The following LIG3 variants were observed in gnomAD, a reference collection of about 807,000 sequenced individuals.
The protein encoded by LIG3 is DNA ligase 3.
LIG3 carries 58 observed loss-of-function variants against 110.9 expected under a neutral mutation model. The ratio of observed to expected loss-of-function variants is 0.52; its 90% CI spans 0.42 to 0.65. The LOEUF (loss-of-function observed/expected upper bound fraction) is 0.65, where lower values mean the gene tolerates loss of function less well. Ranked by LOEUF, LIG3 falls within the 30% of genes least tolerant of loss-of-function variation. The pLI is 0.00. For synonymous variants in LIG3, 422 were observed against 472.8 expected (o/e 0.89, Z 1.39); for missense variants, 1,094 against 1,273.8 (o/e 0.86, Z 2.15).
chr17:34,999,362 G>T lies in LIG3; in HGVS notation c.2169G>T (p.Trp723Cys), dbSNP rs770056549. 8.7e-6 allele frequency: 14 copies of T among 1,613,988 alleles called. No homozygotes were observed. Among genetic ancestry groups the T allele is most frequent in the Non-Finnish European group, 5.9e-6 (7 of 1,180,000 alleles). ...GCTACGACCCTGGCAGCCAGAAGTG[G>T]TGCACAGTCACCAAGTGTGCAGGAG... Reference protein sequence around the residue: ...MGCYDPGSQKWCTVTKCAGGH... With the variant: ...MGCYDPGSQKCCTVTKCAGGH... Residue 723 changes from tryptophan to cysteine, a missense_variant, in exon 15 of 20, where the codon TGG becomes TGT. Coordinates refer to ENST00000378526, the MANE Select transcript of LIG3 (RefSeq NM_013975.4).
In LIG3 at chr17:35,001,333, G is replaced by C; in HGVS notation, c.2408G>C (p.Arg803Pro). ...CATACAGCTGACGGGATCTCCATCCGATTCCCTCGCTGCACCCGAATCCGA... is the reference window on the plus strand; with the variant it reads ...CATACAGCTGACGGGATCTCCATCCCATTCCCTCGCTGCACCCGAATCCGA... ...EAHTADGISIRFPRCTRIRDD... is the reference protein window; with the variant it reads ...EAHTADGISIPFPRCTRIRDD... The change falls in exon 17 of 20, where the codon CGA (arginine) becomes CCA (proline). Residue 803 changes from arginine (R) to proline (P), a missense_variant. Transcript: ENST00000378526. 6.2e-7 allele frequency: 1 copy of C among 1,614,142 alleles called. No individual in the cohort carries two copies. Among genetic ancestry groups the C allele is most frequent in the African/African-American group, 1.3e-5 (1 of 75,048 alleles).
At position 34,994,356 on chromosome 17, in the gene LIG3, G is replaced by A. The variant is rs1340493662; in HGVS notation, c.1536G>A (p.Glu512=). The A allele has an allele frequency of 3.1e-6, 5 of 1,614,044 alleles. No individual in the cohort carries two copies. Among genetic ancestry groups the A allele is most frequent in the African/African-American group, 1.3e-5 (1 of 74,928 alleles). ...GMFSEIKYDG[E]RVQVHKNGDH... ...TCTCTGAGATCAAGTACGATGGAGA[G>A]CGAGTCCAGGTGCATAAGAATGGAG... The change falls in exon 9 of 20, where the codon GAG becomes GAA. Residue 512 remains glutamate (E), a synonymous_variant. Transcript: ENST00000378526.
chr17:34,999,954 C>A, intron 16 of LIG3, 98 bp downstream of exon 16: 1 of 947,870 alleles, frequency 1.1e-6, no homozygotes, highest in Non-Finnish European at 1.7e-6. Flanking sequence ...GAAAGTCCAC[C>A]CAGGGATAGG....
At chr17:34,994,225 C>A (rs974734677) in intron 8 of LIG3, 51 bp from the exon 9 acceptor site, 5 of 1,579,086 alleles carry the variant, frequency 3.2e-6, no homozygotes, top group Non-Finnish European at 4.3e-6. Flanking sequence ...GCTGTCGCTG[C>A]TTAGCAGCCC....
chr17:34,984,220 A>C (rs2090633396), intron 2 of LIG3, among the ~76,000 whole-genome samples: 1 of 152,184 alleles, frequency 6.6e-6, no homozygotes. Flanking sequence ...GGATCATATC[A>C]GGTGTTGCAT....
At chr17:35,002,626 T>C (rs1794811233) in intron 18 of LIG3, 42 bp from the exon 19 acceptor site, 4 of 1,595,242 alleles carry the variant, frequency 2.5e-6, no homozygotes, top group South Asian at 1.1e-5. Context: ...GCTGGGACTA[T>C]AGGTGTGCAC....
intron 9 of LIG3, among the ~76,000 whole-genome samples, chr17:34,995,735 A>G (rs940510522): frequency 6.6e-6 from 1 of 152,068 alleles, no homozygotes; most frequent in Non-Finnish European, 1.5e-5. Flanking sequence ...GTAGGCACTA[A>G]TCTCTGCCCA....
intron 16 of LIG3, among the ~76,000 whole-genome samples, 158 bp downstream of exon 16, chr17:35,000,014 TG>T (rs1172816648): frequency 6.6e-6 from 1 of 152,180 alleles, no homozygotes; most frequent in African/African-American, 2.4e-5. Context: ...CAGACAACTC[TG>T]AGGAATTTTG....
chr17:34,983,916 T>C (rs2090630479), intron 2 of LIG3, among the ~76,000 whole-genome samples: 3 of 152,248 alleles, frequency 2.0e-5, no homozygotes. Flanking sequence ...TTTACTCTAT[T>C]TGCTTTATCA....
chr17:34,997,617 T>C (rs2090792335), intron 11 of LIG3, 121 bp from the exon 12 acceptor site: 3 of 732,288 alleles, frequency 4.1e-6, no homozygotes, highest in Admixed American at 2.0e-5. Context: ...CATGAGGTCT[T>C]TGATCCATGG....
At chr17:34,992,832 G>A (rs922224566) in intron 8 of LIG3, 140 bp downstream of exon 8, 4 of 834,622 alleles carry the variant, frequency 4.8e-6, no homozygotes, top group African/African-American at 1.8e-5. Context: ...GAGGTGCAAG[G>A]GGGTATTTCT....
chr17:35,003,125 G>A, intron 19 of LIG3: 1 of 1,597,354 alleles, frequency 6.3e-7, no homozygotes, highest in Admixed American at 1.8e-5. Context: ...ACATTAAAGG[G>A]AAAAGACCAG....
At chr17:34,999,279 C>A in intron 14 of LIG3, 28 bp from the exon 15 acceptor site, 1 of 1,600,054 alleles carries the variant, frequency 6.2e-7, no homozygotes, top group Non-Finnish European at 8.5e-7. Flanking sequence ...CTCCTCCAAC[C>A]CACACTCATC....
intron 19 of LIG3, chr17:35,003,297 T>G: frequency 1.4e-6 from 1 of 722,770 alleles, no homozygotes; most frequent in Non-Finnish European, 2.1e-6. Context: ...CAACATCTCC[T>G]GAGCAATTCT....
At position 35,007,113 on chromosome 17, in the gene LIG3, G is replaced by A. The variant is rs2090900931; in HGVS notation, c.*2607G>A. ...ACAACCGGACAGGGCAGCAGAACAAGGCTGTCTCCTCAGGATCCTGCCAAA... is the reference window on the plus strand; with the variant it reads ...ACAACCGGACAGGGCAGCAGAACAAAGCTGTCTCCTCAGGATCCTGCCAAA... On this transcript the variant is annotated 3_prime_UTR_variant, in exon 20 of 20. Coordinates refer to ENST00000378526, the MANE Select transcript of LIG3 (RefSeq NM_013975.4). 1 of 152,390 alleles carries A rather than the reference G, an allele frequency of 6.6e-6. No homozygotes were observed. Among genetic ancestry groups the A allele is most frequent in the Admixed American group, 6.5e-5 (1 of 15,302 alleles). 9.4% of individuals were successfully genotyped at this position (152,390 alleles called of 1,614,324 possible).
chr17:34,998,436 C>A, intron 13 of LIG3, 140 bp downstream of exon 13: 1 of 1,095,642 alleles, frequency 9.1e-7, no homozygotes, highest in Non-Finnish European at 1.3e-6. Flanking sequence ...CAGATGTGTC[C>A]TGGATCTGGA....
chr17:34,998,901 G>C (rs942839537), intron 14 of LIG3, 174 bp downstream of exon 14: 12 of 684,660 alleles, frequency 1.8e-5, no homozygotes, highest in Non-Finnish European at 2.8e-5. Flanking sequence ...TGCTTACTCG[G>C]TTAGGGAGAA....
Position 34,996,550 on chromosome 17 carries a change from C to G in LIG3, c.1744-24C>G, listed in dbSNP as rs752782348. On this transcript the variant is annotated intron_variant, in intron 10 of 19. Transcript: ENST00000378526. ...ACACTGACTTTTGTCCTATGTGTAC[C>G]TACTACCTCATTTTCCCTTACAGAA... 1.9e-6 allele frequency: 3 copies of G among 1,593,536 alleles called. No homozygotes were observed. In the African/African-American group the frequency reaches 4.0e-5, roughly 21 times the overall value.
rs983774688 is a variant in LIG3 at position 35,005,788 on chromosome 17, A to G, written c.*1282A>G. On this transcript the variant is annotated 3_prime_UTR_variant, in exon 20 of 20. Coordinates refer to ENST00000378526, the MANE Select transcript of LIG3 (RefSeq NM_013975.4). ...GTGGATACTGGATTTGCTCCTGTCA[A>G]TGAAGTTCTAAAGGCTGTACCAATC... 5.7e-6 allele frequency: 3 copies of G among 527,638 alleles called. No homozygotes were observed. Among genetic ancestry groups the G allele is most frequent in the African/African-American group, 3.9e-5 (2 of 51,570 alleles). The allele number at this position is 527,638 out of a possible 1,614,324, so 32.7% of individuals were successfully genotyped here. A position where few individuals can be genotyped will look rare whatever the true frequency, so the allele number is the denominator to read the frequency against.
Sources: allele counts gnomAD v4.1 joint callset (sites outside exome capture counted in the v4.1 genomes callset), GRCh38; gene constraint gnomAD v4.1.1; transcripts MANE v1.5; gene names NCBI Gene and HGNC (gene_info 2026-07-23, HGNC 2026-07-21).